The following MMP26 variants were observed in gnomAD, a reference collection of about 807,000 sequenced individuals.
The protein encoded by MMP26 is matrix metallopeptidase 26, also known as matrix metalloproteinase-26.
A neutral mutation model predicts 31.0 loss-of-function variants in MMP26; 33 were observed. The ratio of observed to expected loss-of-function variants is 1.06; its 90% CI spans 0.81 to 1.42. MMP26 has a LOEUF of 1.42. Among genes scored for constraint, MMP26 ranks in the 40% most tolerant of loss-of-function variants. The pLI is 0.00. For missense variants in MMP26, 347 were observed against 316.1 expected (o/e 1.10, Z -0.74); for synonymous variants, 122 against 114.9 (o/e 1.06, Z -0.40).
intron 2 of MMP26, among the ~76,000 whole-genome samples, chr11:4,940,666 A>G (rs1226113938): frequency 6.6e-6 from 1 of 152,188 alleles, no homozygotes; most frequent in East Asian, 1.9e-4. Flanking sequence ...ACAATACTTG[A>G]TGGAAAAGCT....
At chr11:4,723,557 G>C in intron 1 of MMP26, 1 of 1,185,568 alleles carries the variant, frequency 8.4e-7, no homozygotes, top group African/African-American at 1.5e-5. Flanking sequence ...AGAGACTCCA[G>C]CTCTACCTTG....
chr11:4,723,914 T>G, intron 1 of MMP26: 1 of 990,858 alleles, frequency 1.0e-6, no homozygotes, highest in Non-Finnish European at 1.6e-6. Flanking sequence ...TGGGTGCGCA[T>G]GGCCTGGATG....
At chr11:4,732,603 G>A (rs867589024) in intron 1 of MMP26, among the ~76,000 whole-genome samples, 21 of 149,398 alleles carry the variant, frequency 1.4e-4, no homozygotes, top group Middle Eastern at 7.1e-3. Flanking sequence ...CTATCCAGAA[G>A]CAGTCGCACC....
At position 4,989,633 on chromosome 11, in the gene MMP26, C is replaced by A. The variant is rs1281320228; in HGVS notation, c.100-15C>A. On this transcript the variant is annotated splice_polypyrimidine_tract_variant and intron_variant, in intron 3 of 7. Transcript: ENST00000380390. ...CTATTGACTCTTAGTACTCATCCTT[C>A]TTGATCTGATTCAGGGCTATTTCCA... is the stretch of plus-strand genomic sequence containing the variant. 1 of 1,602,934 alleles carries A rather than the reference C, an allele frequency of 6.2e-7. No individual in the cohort carries two copies. The highest frequency in any genetic ancestry group is 1.3e-5 in the African/African-American group (1 of 74,842).
chr11:4,897,586 C>A (rs1433132367), intron 2 of MMP26, among the ~76,000 whole-genome samples: 1 of 152,038 alleles, frequency 6.6e-6, no homozygotes. Context: ...TATTTTGAAA[C>A]TGTGAATCAA....
intron 1 of MMP26, among the ~76,000 whole-genome samples, chr11:4,754,036 T>G (rs191697074): frequency 2.6e-5 from 4 of 152,114 alleles, no homozygotes; most frequent in African/African-American, 9.6e-5. Flanking sequence ...TTCCATACTT[T>G]GCTCTAATTA....
intron 2 of MMP26, among the ~76,000 whole-genome samples, chr11:4,856,206 A>G (rs1850049887): frequency 6.6e-6 from 1 of 152,224 alleles, no homozygotes; most frequent in Non-Finnish European, 1.5e-5. Flanking sequence ...GACAGGATCA[A>G]ATTCACACAT....
chr11:4,725,062 G>T (rs751600484), intron 1 of MMP26, among the ~76,000 whole-genome samples: 44 of 152,244 alleles, frequency 2.9e-4, no homozygotes, highest in Non-Finnish European at 5.4e-4. Flanking sequence ...AGATCTGGTC[G>T]TTTAGGAGTG....
intron 2 of MMP26, among the ~76,000 whole-genome samples, chr11:4,975,709 C>T (rs369829142): frequency 2.2e-4 from 33 of 152,112 alleles, no homozygotes; most frequent in Admixed American, 4.6e-4. Flanking sequence ...TTCTCTGTCA[C>T]TGACTTCATC....
chr11:4,705,681 CAG>C (rs1243079494), intron 1 of MMP26, among the ~76,000 whole-genome samples: 1 of 152,112 alleles, frequency 6.6e-6, no homozygotes, highest in Non-Finnish European at 1.5e-5. Context: ...TTAAGAATCA[CAG>C]AATTTTTTTT....
chr11:4,947,157 G>T, intron 2 of MMP26: 3 of 1,105,750 alleles, frequency 2.7e-6, no homozygotes, highest in Non-Finnish European at 2.5e-6. Flanking sequence ...GGTAAAATAG[G>T]AATATCTGTA....
chr11:4,943,725 AT>A, intron 2 of MMP26: 1 of 354,812 alleles, frequency 2.8e-6, no homozygotes, highest in South Asian at 2.2e-5. Context: ...CAGAGTTGAG[AT>A]TTTAATCCTC....
chr11:4,837,082 G>C (rs897365910), intron 2 of MMP26, among the ~76,000 whole-genome samples: 1 of 152,092 alleles, frequency 6.6e-6, no homozygotes, highest in Non-Finnish European at 1.5e-5. Context: ...ACAAATACCA[G>C]ATTGGGAAAG....
chr11:4,927,944 T>C (rs1030940727), intron 2 of MMP26, among the ~76,000 whole-genome samples: 1 of 152,102 alleles, frequency 6.6e-6, no homozygotes, highest in African/African-American at 2.4e-5. Context: ...TACTAAATGA[T>C]ACTTTCAAGA....
intron 2 of MMP26, among the ~76,000 whole-genome samples, chr11:4,879,884 C>T (rs532880753): frequency 6.6e-6 from 1 of 152,226 alleles, no homozygotes; most frequent in East Asian, 1.9e-4. Flanking sequence ...TTTCTGCTCT[C>T]CTAATCCAGC....
intron 2 of MMP26, among the ~76,000 whole-genome samples, chr11:4,834,160 C>T (rs1350001712): frequency 1.3e-5 from 2 of 152,128 alleles, no homozygotes; most frequent in Non-Finnish European, 2.9e-5. Context: ...CCTCTGCATG[C>T]CTCATAGTAA....
intron 2 of MMP26, among the ~76,000 whole-genome samples, chr11:4,842,005 A>G (rs889804446): frequency 1.3e-5 from 2 of 152,214 alleles, no homozygotes; most frequent in Non-Finnish European, 2.9e-5. Flanking sequence ...GTAGTAATAC[A>G]AAAGTCATTG....
intron 2 of MMP26, chr11:4,803,865 G>T: frequency 6.2e-7 from 1 of 1,612,670 alleles, no homozygotes; most frequent in Non-Finnish European, 8.5e-7. Context: ...CTTGGTGTTG[G>T]CAGAAGGGCA....
chr11:4,869,042 C>T (rs1382887957), intron 2 of MMP26, among the ~76,000 whole-genome samples: 1 of 152,164 alleles, frequency 6.6e-6, no homozygotes, highest in African/African-American at 2.4e-5. Flanking sequence ...TGGATCCTTC[C>T]TTACACCTTA....
Sources: gnomAD v4.1 joint callset for allele counts (sites outside exome capture counted in the v4.1 genomes callset) on GRCh38, gnomAD v4.1.1 for gene constraint, MANE v1.5 for transcripts, NCBI Gene and HGNC (gene_info 2026-07-23, HGNC 2026-07-21) for gene names.